Variants in GALNT18 observed in about 807,000 individuals in gnomAD.
The protein encoded by GALNT18 is polypeptide N-acetylgalactosaminyltransferase 18.
In GALNT18, 44 loss-of-function variants were observed where a neutral mutation model predicts 69.5. The ratio of observed to expected loss-of-function variants is 0.63; its 90% confidence interval spans 0.50 to 0.81. The LOEUF is 0.81. Ranked by LOEUF, GALNT18 falls within the 40% of genes least tolerant of loss-of-function variation. The probability of loss-of-function intolerance (pLI) is 0.00; values close to 1 mark genes in which losing one functional copy is unlikely to be tolerated. For synonymous variants in GALNT18, 364 were observed against 318.2 expected (o/e 1.14, Z -1.53); for missense variants, 715 against 810.0 (o/e 0.88, Z 1.42).
chr11:11,445,563 A>C (rs1855628894), intron 2 of GALNT18, among the ~76,000 whole-genome samples: 3 of 152,220 alleles, frequency 2.0e-5, no homozygotes, highest in Admixed American at 1.3e-4. Flanking sequence ...ACCTAAGCAC[A>C]TACTTGTTTT....
rs145046724 is a variant in GALNT18, at chr11:11,423,453, C to T, written c.595+9168G>A. Among the ~76,000 whole-genome samples the T allele has an allele frequency of 7.2e-3, 1,100 of 152,296 alleles. 16 individuals carry two copies. The highest frequency in any genetic ancestry group is 0.01 in the Middle Eastern group (3 of 294). On this transcript the variant is annotated intron_variant, in intron 3 of 10. Coordinates refer to ENST00000227756, the MANE Select transcript of GALNT18 (RefSeq NM_198516.3). ...TCTCACAAGGTGACCTAAAGCATGG[C>T]TGCCAACTGTTCAATTACCTCTCAC...
chr11:11,593,778 A>G (rs1050956333), intron 1 of GALNT18, among the ~76,000 whole-genome samples: 1 of 151,816 alleles, frequency 6.6e-6, no homozygotes, highest in Non-Finnish European at 1.5e-5. Context: ...AAACAATAAA[A>G]TAAAGTAAAA....
chr11:11,494,429 G>A lies in GALNT18; in HGVS notation c.236-45493C>T, dbSNP rs1023327528. Among the ~76,000 whole-genome samples, 3 of 152,184 alleles carry A rather than the reference G, an allele frequency of 2.0e-5. No homozygotes were observed. Among genetic ancestry groups the A allele is most frequent in the African/African-American group, 7.2e-5 (3 of 41,442 alleles). ...ACCTACTTCAAGGGGCCATGCCCAGGACTGCCACATCCAAGAGGTTTCACA... is the reference window on the plus strand; with the variant it reads ...ACCTACTTCAAGGGGCCATGCCCAGAACTGCCACATCCAAGAGGTTTCACA... On this transcript the variant is annotated intron_variant, in intron 1 of 10. Transcript: ENST00000227756. This position sits in a 1 kb window ranked among gnomAD's most constrained non-coding sequence, Gnocchi z 5.7.
In GALNT18 at chr11:11,599,468, T is replaced by C. The variant is rs550023875; in HGVS notation, c.235+21891A>G. On this transcript the variant is annotated intron_variant, in intron 1 of 10. Transcript: ENST00000227756. ...ATTGTGTATCTTTCTTCATCCTTTC[T>C]CTTTCAAATTATTTATATCTTTGAA... Among the ~76,000 whole-genome samples the C allele has an allele frequency of 5.3e-5, 8 of 152,186 alleles. No individual in the cohort carries two copies. The South Asian group carries it at 1.7e-3, about 32-fold the overall frequency.
chr11:11,569,525 C>T (rs1044432105), intron 1 of GALNT18, among the ~76,000 whole-genome samples: 1 of 152,200 alleles, frequency 6.6e-6, no homozygotes, highest in Non-Finnish European at 1.5e-5. Context: ...GACCATGGAA[C>T]CTCTGCCCAA....
In GALNT18 at chr11:11,340,894, G is replaced by A. The variant is rs780730440; in HGVS notation, c.1203C>T (p.Asn401=). Reference sequence around the variant, plus strand: ...TCCAGACTTCAGCCACCCTGAGAGCGTTCCTGCGGACATGGGCGGTGAGGT... The same window carrying A: ...TCCAGACTTCAGCCACCCTGAGAGCATTCCTGCGGACATGGGCGGTGAGGT... ...TEDLTAHVRR[N]ALRVAEVWMD... is the part of the protein sequence containing the mutation. The change falls in exon 7 of 11, where the codon AAC becomes AAT. Residue 401 remains asparagine (N), a synonymous_variant. Transcript: ENST00000227756. This position sits in a 1 kb window ranked among gnomAD's most constrained non-coding sequence, Gnocchi z 4.2. The A allele has an allele frequency of 4.2e-5, 68 of 1,613,946 alleles. No homozygotes were observed. Among genetic ancestry groups the A allele is most frequent in the East Asian group, 6.7e-5 (3 of 44,884 alleles).
chr11:11,471,843 G>A (rs1434699232), intron 1 of GALNT18, among the ~76,000 whole-genome samples: 1 of 152,194 alleles, frequency 6.6e-6, no homozygotes, highest in African/African-American at 2.4e-5. Context: ...CCCTGCCCAG[G>A]ACCTGACTGG....
At chr11:11,351,511 G>A (rs985360982) in intron 6 of GALNT18, among the ~76,000 whole-genome samples, 17 of 152,146 alleles carry the variant, frequency 1.1e-4, no homozygotes, top group East Asian at 1.9e-4. Context: ...ACAGCTTCCC[G>A]ATGCACAAGG....
At chr11:11,566,655 C>A (rs1858659496) in intron 1 of GALNT18, among the ~76,000 whole-genome samples, 1 of 152,078 alleles carries the variant, frequency 6.6e-6, no homozygotes, top group Non-Finnish European at 1.5e-5. Flanking sequence ...AAAATGTTAA[C>A]AATGGTGAGT....
Position 11,314,219 on chromosome 11 carries a change from T to G in GALNT18, c.1512+12867A>C, listed in dbSNP as rs2133032721. On this transcript the variant is annotated intron_variant, in intron 9 of 10. Coordinates refer to ENST00000227756, the MANE Select transcript of GALNT18 (RefSeq NM_198516.3). This position sits in a 1 kb window ranked among gnomAD's most constrained non-coding sequence, Gnocchi z 5.2. ...ACTCAGCCCCTCTCTGGTTAGTGAG[T>G]CTGAACATTGGTCCACTGTGGAGCT... 6.6e-6 allele frequency among the ~76,000 whole-genome samples: 1 copy of G among 152,198 alleles called. No individual in the cohort carries two copies. Among genetic ancestry groups the G allele is most frequent in the East Asian group, 1.9e-4 (1 of 5,172 alleles).
At chr11:11,290,677 GTACA>G (rs1849281376) in intron 10 of GALNT18, among the ~76,000 whole-genome samples, 2 of 152,134 alleles carry the variant, frequency 1.3e-5, no homozygotes, top group African/African-American at 4.8e-5. Flanking sequence ...TCCCAATTAA[GTACA>G]TTGTCTCCTG....
intron 6 of GALNT18, among the ~76,000 whole-genome samples, chr11:11,365,698 T>C (rs1368081647): frequency 2.6e-5 from 4 of 152,200 alleles, no homozygotes; most frequent in African/African-American, 7.2e-5. Context: ...TGGTGTGAGA[T>C]GGTATCTCAT....
chr11:11,583,470 G>T lies in GALNT18; in HGVS notation c.235+37889C>A, dbSNP rs777805301. Reference sequence around the variant, plus strand: ...CATAGGTGAAAATAAAATCCACGGGGTAAAAAGGTTTCTAGCTCTGTTTCT... The same window carrying T: ...CATAGGTGAAAATAAAATCCACGGGTTAAAAAGGTTTCTAGCTCTGTTTCT... On this transcript the variant is annotated intron_variant, in intron 1 of 10. Coordinates refer to ENST00000227756, the MANE Select transcript of GALNT18 (RefSeq NM_198516.3). This position sits in a 1 kb window ranked among gnomAD's most constrained non-coding sequence, Gnocchi z 4.7. Among the ~76,000 whole-genome samples, 28 of 152,152 alleles carry T rather than the reference G, an allele frequency of 1.8e-4. No individual in the cohort carries two copies. Among genetic ancestry groups the T allele is most frequent in the Non-Finnish European group, 4.0e-4 (27 of 68,038 alleles).
rs1860153169 is a variant in GALNT18, at chr11:11,620,157, T to A, written c.235+1202A>T. ...TGGCGGGGGGGTGGGGGGTAAGCCT[T>A]CAGTTCAATTCGATTTTGCCAAGGT... is the stretch of plus-strand genomic sequence containing the variant. On this transcript the variant is annotated intron_variant, in intron 1 of 10. Transcript: ENST00000227756. The surrounding 1 kb of genome is among the most constrained non-coding windows in gnomAD (Gnocchi z 6.9). 6.6e-6 allele frequency among the ~76,000 whole-genome samples: 1 copy of A among 151,544 alleles called. No individual in the cohort carries two copies. Among genetic ancestry groups the A allele is most frequent in the Admixed American group, 6.6e-5 (1 of 15,256 alleles).
At chr11:11,422,343 C>G (rs1236685350) in intron 3 of GALNT18, among the ~76,000 whole-genome samples, 1 of 152,216 alleles carries the variant, frequency 6.6e-6, no homozygotes, top group Non-Finnish European at 1.5e-5. Flanking sequence ...TAGGAGAACC[C>G]AGGACTCAGG....
rs559987803 is a variant in GALNT18 at position 11,330,862 on chromosome 11, G to A, written c.1416+1832C>T. On this transcript the variant is annotated intron_variant, in intron 8 of 10. Coordinates refer to ENST00000227756, the MANE Select transcript of GALNT18 (RefSeq NM_198516.3). ...ACATGTACACACCTCTACTGTTACT[G>A]CTTCTCCTGCCTCTCTGGGTGAGTT... is the stretch of plus-strand genomic sequence containing the variant. 2.0e-5 allele frequency among the ~76,000 whole-genome samples: 3 copies of A among 152,342 alleles called. No homozygotes were observed. The East Asian group carries it at 5.8e-4, about 29-fold the overall frequency.
At chr11:11,580,321 T>A (rs2133906625) in intron 1 of GALNT18, among the ~76,000 whole-genome samples, 1 of 152,208 alleles carries the variant, frequency 6.6e-6, no homozygotes, top group Non-Finnish European at 1.5e-5. Context: ...TCCTTCTCCC[T>A]CCCGCCACCC....
At chr11:11,552,679 C>T (rs1427344604) in intron 1 of GALNT18, among the ~76,000 whole-genome samples, 1 of 152,180 alleles carries the variant, frequency 6.6e-6, no homozygotes, top group Non-Finnish European at 1.5e-5. Context: ...GTGGACAAAG[C>T]AGGGATATAC....
chr11:11,493,562 G>A (rs1419689322), intron 1 of GALNT18, among the ~76,000 whole-genome samples: 2 of 152,288 alleles, frequency 1.3e-5, no homozygotes, highest in South Asian at 2.1e-4. Flanking sequence ...CATTGTGAGT[G>A]TGTAGTAAGT....
Sources: gnomAD v4.1 joint callset for allele counts (sites outside exome capture counted in the v4.1 genomes callset) on GRCh38, gnomAD v4.1.1 for gene constraint, Gnocchi (gnomAD v3.1) non-coding constraint, MANE v1.5 for transcripts, NCBI Gene and HGNC (gene_info 2026-07-23, HGNC 2026-07-21) for gene names.